WDR27: variants seen among roughly 807,000 people sequenced by gnomAD.
WDR27 encodes the protein WD repeat domain 27, also known as WD repeat-containing protein 27.
In WDR27, 100 loss-of-function variants were observed where a neutral mutation model predicts 114.4. The ratio of observed to expected loss-of-function variants is 0.87; its 90% CI spans 0.74 to 1.03. The LOEUF (loss-of-function observed/expected upper bound fraction) is 1.03. Ranked by LOEUF, WDR27 falls within the 50% of genes least tolerant of loss-of-function variation. WDR27 has a pLI of 0.00. For synonymous variants in WDR27, 449 were observed against 423.1 expected, an observed-to-expected ratio of 1.06 and a Z score of -0.75; for missense variants, 1,129 against 1,092.9, an observed-to-expected ratio of 1.03 and a Z score of -0.47.
intron 1 of WDR27, among the ~76,000 whole-genome samples, chr6:169,696,820 G>A (rs190970651): frequency 7.0e-4 from 107 of 152,230 alleles, no homozygotes; most frequent in African/African-American, 2.0e-3. Flanking sequence ...AGGCTGAGGC[G>A]GGAGAATCAC....
chr6:169,667,525 G>T, intron 5 of WDR27: 1 of 298,276 alleles, frequency 3.4e-6, no homozygotes, highest in Non-Finnish European at 5.0e-6. Context: ...TCTACACCCT[G>T]TCAGGTCAGG....
At chr6:169,634,331 A>T (rs1403828432) in intron 20 of WDR27, 97 bp downstream of exon 20, 2 of 832,304 alleles carry the variant, frequency 2.4e-6, no homozygotes, top group Admixed American at 5.3e-5. Context: ...GGAGCCCCAC[A>T]CAATGCCTGA....
intron 21 of WDR27, among the ~76,000 whole-genome samples, chr6:169,629,434 G>T (rs1815737907): frequency 6.6e-6 from 1 of 152,082 alleles, no homozygotes; most frequent in South Asian, 2.1e-4. Flanking sequence ...AGAAAATAGG[G>T]ATTTATAATG....
At chr6:169,654,275 T>C (rs185384349) in intron 13 of WDR27, among the ~76,000 whole-genome samples, 69 of 152,254 alleles carry the variant, frequency 4.5e-4, no homozygotes, top group African/African-American at 1.6e-3. Context: ...CACCAAGCAT[T>C]CAGGTATAGA....
chr6:169,624,704 T>G (rs886805434), intron 21 of WDR27, among the ~76,000 whole-genome samples: 8 of 152,190 alleles, frequency 5.3e-5, no homozygotes, highest in Non-Finnish European at 1.2e-4. Context: ...CATGAGAGTT[T>G]GACAACCACT....
At chr6:169,577,313 G>C (rs1802539545) in intron 24 of WDR27, among the ~76,000 whole-genome samples, 1 of 152,122 alleles carries the variant, frequency 6.6e-6, no homozygotes, top group South Asian at 2.1e-4. Context: ...CGAGGAGGGG[G>C]CGTCCGCGCC....
chr6:169,479,702 T>C (rs898199334), intron 25 of WDR27, among the ~76,000 whole-genome samples: 72 of 152,382 alleles, frequency 4.7e-4, no homozygotes, highest in Middle Eastern at 3.4e-3. Context: ...CTGTCAATCA[T>C]GAAGTCATTT....
intron 21 of WDR27, among the ~76,000 whole-genome samples, chr6:169,621,544 A>T (rs1178554919): frequency 6.6e-6 from 1 of 151,824 alleles, no homozygotes; most frequent in Admixed American, 6.6e-5. Flanking sequence ...ACGCACGCAT[A>T]TACATACACA....
intron 25 of WDR27, among the ~76,000 whole-genome samples, chr6:169,526,447 T>C (rs1794980872): frequency 6.6e-6 from 1 of 151,972 alleles, no homozygotes; most frequent in South Asian, 2.1e-4. Flanking sequence ...ACCCCACCTC[T>C]ACTAAAAATA....
chr6:169,486,020 G>A (rs1054662774), intron 25 of WDR27, among the ~76,000 whole-genome samples: 7 of 152,090 alleles, frequency 4.6e-5, no homozygotes, highest in African/African-American at 1.7e-4. Flanking sequence ...GGAGAGCAAG[G>A]AGAGGATCAG....
chr6:169,665,192 T>A, intron 7 of WDR27: 1 of 1,141,632 alleles, frequency 8.8e-7, no homozygotes, highest in Non-Finnish European at 1.1e-6. Flanking sequence ...ACAGCCCTCT[T>A]CTCAGCAGGT....
intron 21 of WDR27, among the ~76,000 whole-genome samples, chr6:169,620,107 A>C (rs992790350): frequency 3.9e-5 from 6 of 152,050 alleles, no homozygotes; most frequent in African/African-American, 1.2e-4. Context: ...GACTCCTCAG[A>C]CCCCTTAATC....
At chr6:169,561,987 T>A (rs1799737997) in intron 25 of WDR27, among the ~76,000 whole-genome samples, 1 of 152,124 alleles carries the variant, frequency 6.6e-6, no homozygotes, top group Admixed American at 6.5e-5. Flanking sequence ...GTCATCACAA[T>A]GAAGGTGTCT....
intron 25 of WDR27, among the ~76,000 whole-genome samples, chr6:169,538,861 A>G (rs1348009313): frequency 6.6e-6 from 1 of 152,188 alleles, no homozygotes; most frequent in Non-Finnish European, 1.5e-5. Flanking sequence ...CATTACTCCT[A>G]TGATACAATC....
In WDR27 at chr6:169,578,732, G is replaced by A. The variant is rs530519913; in HGVS notation, c.2523+4104C>T. Among the ~76,000 whole-genome samples, 15 of 152,234 alleles carry A rather than the reference G, an allele frequency of 9.9e-5. 1 individual carries two copies. Among genetic ancestry groups the A allele is most frequent in the Admixed American group, 2.0e-4 (3 of 15,296 alleles). ...AGGAAAGACCCTCAAACAGCTCCTC[G>A]CTCTTGGGGGACGCTCAACAGTAGC... On this transcript the variant is annotated intron_variant, in intron 24 of 25. Coordinates refer to ENST00000448612, the MANE Select transcript of WDR27 (RefSeq NM_182552.5).
chr6:169,571,201 T>C (rs1012379838), intron 25 of WDR27, among the ~76,000 whole-genome samples: 2 of 151,468 alleles, frequency 1.3e-5, no homozygotes, highest in African/African-American at 2.4e-5. Flanking sequence ...CTCAAAGTAA[T>C]ACAGCCTAAA....
chr6:169,554,906 G>T (rs1488089251), intron 25 of WDR27, among the ~76,000 whole-genome samples: 3 of 152,014 alleles, frequency 2.0e-5, no homozygotes, highest in Non-Finnish European at 2.9e-5. Flanking sequence ...GTATATTTTT[G>T]CCTCCACGAT....
chr6:169,632,320 C>T (rs1020926189), intron 21 of WDR27, among the ~76,000 whole-genome samples: 2 of 152,094 alleles, frequency 1.3e-5, no homozygotes, highest in African/African-American at 4.8e-5. Context: ...CCAGATGCAT[C>T]GTAAGTTAAA....
chr6:169,552,973 GGTGTGTGTGTGTGTGTGTGTGTGTGTGT>G (rs3975497), intron 25 of WDR27, among the ~76,000 whole-genome samples: 9 of 61,788 alleles, frequency 1.5e-4, no homozygotes, highest in African/African-American at 5.2e-4. Context: ...GGGCCTGCCC[GGTGTGTGTGTGTGTGTGTGTGTGTGTGT>G]GTGTGTGTGT....
Sources: allele counts gnomAD v4.1 joint callset (sites outside exome capture counted in the v4.1 genomes callset), GRCh38; gene constraint gnomAD v4.1.1; transcripts MANE v1.5; gene names NCBI Gene and HGNC (gene_info 2026-07-23, HGNC 2026-07-21).